DPYD: variants seen among roughly 807,000 people sequenced by gnomAD.
The protein encoded by DPYD is dihydropyrimidine dehydrogenase [NADP(+)].
DPYD carries 109 observed loss-of-function variants against 116.2 expected under a neutral mutation model. That is an observed-to-expected ratio of 0.94 (90% confidence interval 0.80 to 1.10). The LOEUF is 1.10. Among genes scored for constraint, DPYD ranks in the 50% least tolerant of loss-of-function variants. The probability of loss-of-function intolerance (pLI) is 0.00; values close to 1 mark genes in which losing one functional copy is unlikely to be tolerated. For missense variants in DPYD, 1,302 were observed against 1,254.5 expected (o/e 1.04, Z -0.57); for synonymous variants, 440 against 432.0 (o/e 1.02, Z -0.23).
At chr1:97,301,352 G>T (rs1346137870) in intron 18 of DPYD, among the ~76,000 whole-genome samples, 1 of 151,994 alleles carries the variant, frequency 6.6e-6, no homozygotes, top group East Asian at 1.9e-4. Flanking sequence ...AAAATTTGAA[G>T]TTAAGAACAA....
intron 8 of DPYD, among the ~76,000 whole-genome samples, chr1:97,630,349 CT>C (rs1311121744): frequency 2.0e-5 from 3 of 151,840 alleles, no homozygotes; most frequent in Non-Finnish European, 4.4e-5. Context: ...CCTTTAAGTA[CT>C]TTATGTGCCT....
intron 3 of DPYD, among the ~76,000 whole-genome samples, chr1:97,810,258 G>T (rs1364341697): frequency 8.1e-6 from 1 of 123,118 alleles, no homozygotes; most frequent in African/African-American, 3.1e-5. Flanking sequence ...CTGCACTCCA[G>T]CCTGGGCAAC....
intron 20 of DPYD, among the ~76,000 whole-genome samples, chr1:97,161,839 G>A (rs576504626): frequency 6.7e-6 from 1 of 149,052 alleles, no homozygotes; most frequent in African/African-American, 2.5e-5. Flanking sequence ...TTTTGTCCTT[G>A]CGATAGTTTA....
At chr1:97,587,000 T>C (rs994194787) in intron 10 of DPYD, among the ~76,000 whole-genome samples, 13 of 152,170 alleles carry the variant, frequency 8.5e-5, no homozygotes, top group African/African-American at 3.1e-4. Context: ...TGGAAAAAAC[T>C]TTAAGAAGCA....
chr1:97,361,602 C>T lies in DPYD; in HGVS notation c.2058+11959G>A, dbSNP rs546853270. ...CCAGCAGCACATCAAAAAGCTTATCCACCACGATCAAGTCAACTTCATCCC... is the reference window on the plus strand; with the variant it reads ...CCAGCAGCACATCAAAAAGCTTATCTACCACGATCAAGTCAACTTCATCCC... On this transcript the variant is annotated intron_variant, in intron 16 of 22. Coordinates refer to ENST00000370192, the MANE Select transcript of DPYD (RefSeq NM_000110.4). 9.4e-4 allele frequency among the ~76,000 whole-genome samples: 143 copies of T among 152,266 alleles called. 1 individual carries two copies. The highest frequency in any genetic ancestry group is 3.3e-3 in the African/African-American group (136 of 41,552).
chr1:97,521,660 A>C (rs1165832484), intron 12 of DPYD, among the ~76,000 whole-genome samples: 1 of 152,182 alleles, frequency 6.6e-6, no homozygotes, highest in African/African-American at 2.4e-5. Context: ...TTCAAACTAT[A>C]CTACAAGGCT....
chr1:97,806,916 G>A (rs978807366), intron 3 of DPYD, among the ~76,000 whole-genome samples: 3 of 151,926 alleles, frequency 2.0e-5, no homozygotes, highest in Non-Finnish European at 2.9e-5. Flanking sequence ...AATACAGTGT[G>A]TAATCATTTC....
chr1:97,442,529 C>A (rs1213309112), intron 14 of DPYD, among the ~76,000 whole-genome samples: 1 of 151,150 alleles, frequency 6.6e-6, no homozygotes, highest in African/African-American at 2.4e-5. Context: ...TTATTTTTTT[C>A]TTTGCTTCTA....
intron 16 of DPYD, among the ~76,000 whole-genome samples, chr1:97,335,730 A>C (rs1258337450): frequency 6.6e-6 from 1 of 152,134 alleles, no homozygotes; most frequent in African/African-American, 2.4e-5. Context: ...AATAACTCTA[A>C]ATTTCTTGCA....
chr1:97,511,250 T>C (rs953540524), intron 13 of DPYD, among the ~76,000 whole-genome samples: 1 of 152,010 alleles, frequency 6.6e-6, no homozygotes, highest in African/African-American at 2.4e-5. Flanking sequence ...TATAAACAGA[T>C]TGTGAGGATT....
At chr1:97,216,450 C>G (rs1660401944) in intron 19 of DPYD, among the ~76,000 whole-genome samples, 1 of 152,090 alleles carries the variant, frequency 6.6e-6, no homozygotes, top group South Asian at 2.1e-4. Context: ...CAAGAGCAAA[C>G]TTTTAAAATA....
intron 2 of DPYD, among the ~76,000 whole-genome samples, chr1:97,836,723 A>G (rs936516179): frequency 6.6e-6 from 1 of 152,112 alleles, no homozygotes; most frequent in Admixed American, 6.5e-5. Context: ...GGCTCTAAAA[A>G]TTAACAATCT....
intron 14 of DPYD, among the ~76,000 whole-genome samples, chr1:97,417,076 C>A (rs1305699585): frequency 6.6e-6 from 1 of 152,044 alleles, no homozygotes; most frequent in African/African-American, 2.4e-5. Flanking sequence ...TAAAAATGAA[C>A]ATATTTCCCT....
intron 18 of DPYD, among the ~76,000 whole-genome samples, chr1:97,255,931 C>T (rs1307410477): frequency 1.3e-5 from 2 of 152,018 alleles, no homozygotes; most frequent in African/African-American, 2.4e-5. Flanking sequence ...ATTTCATTTT[C>T]GGGCAGGGCT....
intron 16 of DPYD, among the ~76,000 whole-genome samples, chr1:97,336,108 T>G (rs543079525): frequency 4.6e-5 from 7 of 152,296 alleles, no homozygotes; most frequent in African/African-American, 1.7e-4. Context: ...AGCAACAATG[T>G]GACAGTGTCT....
chr1:97,392,064 G>A (rs1225370642), intron 14 of DPYD, among the ~76,000 whole-genome samples: 1 of 151,996 alleles, frequency 6.6e-6, no homozygotes, highest in African/African-American at 2.4e-5. Context: ...CATACAACAG[G>A]AACACTTGGC....
At chr1:97,889,736 T>C (rs190971375) in intron 1 of DPYD, among the ~76,000 whole-genome samples, 31 of 151,970 alleles carry the variant, frequency 2.0e-4, no homozygotes, top group Non-Finnish European at 4.1e-4. Context: ...AAGACTTGAA[T>C]AACAACTATA....
At chr1:97,344,493 A>G (rs2101259721) in intron 16 of DPYD, among the ~76,000 whole-genome samples, 1 of 151,640 alleles carries the variant, frequency 6.6e-6, no homozygotes, top group East Asian at 1.9e-4. Context: ...CATTCTTTAA[A>G]CCCTATGTTT....
At chr1:97,649,216 T>A (rs186539122) in intron 8 of DPYD, among the ~76,000 whole-genome samples, 99 of 152,218 alleles carry the variant, frequency 6.5e-4, no homozygotes, top group African/African-American at 2.3e-3. Context: ...CTGTAATTAT[T>A]CAGCCTAGAG....
Sources: gnomAD v4.1 joint callset for allele counts (sites outside exome capture counted in the v4.1 genomes callset) on GRCh38, gnomAD v4.1.1 for gene constraint, MANE v1.5 for transcripts, NCBI Gene and HGNC (gene_info 2026-07-23, HGNC 2026-07-21) for gene names.